The following NAALADL2 variants were observed in gnomAD, a reference collection of about 807,000 sequenced individuals.
NAALADL2 encodes the protein inactive N-acetylated-alpha-linked acidic dipeptidase-like protein 2.
In NAALADL2, 76 loss-of-function variants were observed where a neutral mutation model predicts 87.2. The ratio of observed to expected loss-of-function variants is 0.87; its 90% CI spans 0.72 to 1.05. The LOEUF (loss-of-function observed/expected upper bound fraction) is 1.05. NAALADL2 is among the 50% of genes least tolerant of loss of function. NAALADL2 has a pLI of 0.00. For missense variants in NAALADL2, 1,089 were observed against 945.8 expected (o/e 1.15, Z -1.99); for synonymous variants, 354 against 331.0 (o/e 1.07, Z -0.75).
intron 10 of NAALADL2, among the ~76,000 whole-genome samples, chr3:175,580,063 T>G (rs563918800): frequency 2.0e-5 from 3 of 152,192 alleles, no homozygotes; most frequent in African/African-American, 7.2e-5. Context: ...AAGAGTATTA[T>G]AGCTTTTATG....
chr3:174,994,314 CAGAG>C lies in NAALADL2; in HGVS notation c.44-102474_44-102471del, dbSNP rs556047226. Among the ~76,000 whole-genome samples the C allele has an allele frequency of 3.9e-5, 6 of 152,264 alleles. No homozygotes were observed. The South Asian group carries it at 1.2e-3, about 32-fold the overall frequency. On this transcript the variant is annotated intron_variant, in intron 1 of 13. Coordinates refer to ENST00000454872, the MANE Select transcript of NAALADL2 (RefSeq NM_207015.3). Reference sequence around the variant, plus strand: ...TGTGGCAGAGGGATGTGAGGGTTCTCAGAGAAAGAGGGAAAAAATGTCCTGGGCA... The same window carrying C: ...TGTGGCAGAGGGATGTGAGGGTTCTCAAAGAGGGAAAAAATGTCCTGGGCA...
intron 1 of NAALADL2, among the ~76,000 whole-genome samples, chr3:174,999,400 T>C (rs1747939357): frequency 6.6e-6 from 1 of 152,184 alleles, no homozygotes; most frequent in East Asian, 1.9e-4. Flanking sequence ...ATGTACATGC[T>C]TTTCTTAAGA....
At chr3:175,711,339 A>AT (rs1740505494) in intron 11 of NAALADL2, among the ~76,000 whole-genome samples, 1 of 151,990 alleles carries the variant, frequency 6.6e-6, no homozygotes, top group South Asian at 2.1e-4. Context: ...ATTAGAGAAA[A>AT]TTTTATCAGA....
intron 9 of NAALADL2, among the ~76,000 whole-genome samples, chr3:175,566,566 A>G (rs1717175198): frequency 6.6e-6 from 1 of 151,944 alleles, no homozygotes; most frequent in Non-Finnish European, 1.5e-5. Context: ...TAAATTTTAT[A>G]GAATTTGTAT....
intron 2 of NAALADL2, among the ~76,000 whole-genome samples, chr3:175,230,262 A>G (rs2109437310): frequency 6.6e-6 from 1 of 152,190 alleles, no homozygotes; most frequent in Non-Finnish European, 1.5e-5. Flanking sequence ...AGCATTGAGG[A>G]TTTCTTAAGC....
In NAALADL2 at chr3:175,460,229, T is replaced by C. The variant is rs917841001; in HGVS notation, c.1235-3172T>C. ...ACTTTCTGATATTTATTATTAAAAT[T>C]TAAAATGTGATCATGGTGCTGACTC... On this transcript the variant is annotated intron_variant, in intron 6 of 13. Coordinates refer to ENST00000454872, the MANE Select transcript of NAALADL2 (RefSeq NM_207015.3). 1.8e-5 allele frequency: 8 copies of C among 454,720 alleles called. No homozygotes were observed. In the Admixed American group the frequency reaches 1.9e-4, roughly 11 times the overall value. The allele number at this position is 454,720 out of a possible 1,614,324, so 28.2% of individuals were successfully genotyped here.
intron 11 of NAALADL2, among the ~76,000 whole-genome samples, chr3:175,712,517 C>T (rs1206352516): frequency 6.6e-6 from 1 of 152,022 alleles, no homozygotes; most frequent in African/African-American, 2.4e-5. Context: ...AAGGTTTGAA[C>T]TGCCTGAAAT....
At chr3:175,310,319 T>G (rs1425083769) in intron 4 of NAALADL2, among the ~76,000 whole-genome samples, 1 of 148,232 alleles carries the variant, frequency 6.7e-6, no homozygotes, top group African/African-American at 2.7e-5. Context: ...AAATATACAT[T>G]TAGTCACCAT....
intron 11 of NAALADL2, among the ~76,000 whole-genome samples, chr3:175,668,498 G>T (rs772024287): frequency 2.0e-5 from 3 of 151,988 alleles, no homozygotes; most frequent in Non-Finnish European, 4.4e-5. Flanking sequence ...AATGAGTTTG[G>T]TCTTGTGTAG....
chr3:175,344,941 G>A (rs1354258957), intron 5 of NAALADL2, among the ~76,000 whole-genome samples: 1 of 151,950 alleles, frequency 6.6e-6, no homozygotes, highest in Non-Finnish European at 1.5e-5. Flanking sequence ...CTTTACAGAT[G>A]AGGAAACTAG....
intron 3 of NAALADL2, among the ~76,000 whole-genome samples, chr3:174,743,804 A>G (rs573292989): frequency 6.6e-6 from 1 of 150,402 alleles, no homozygotes; most frequent in African/African-American, 2.4e-5. Flanking sequence ...TCTAAAGAAC[A>G]TATTTTTTTT....
At chr3:175,172,286 AT>A (rs1218215964) in intron 2 of NAALADL2, among the ~76,000 whole-genome samples, 1 of 152,160 alleles carries the variant, frequency 6.6e-6, no homozygotes, top group East Asian at 1.9e-4. Context: ...ATTTTAAACC[AT>A]GACTTGAGTA....
At chr3:175,243,682 C>G (rs1747420872) in intron 3 of NAALADL2, among the ~76,000 whole-genome samples, 1 of 151,872 alleles carries the variant, frequency 6.6e-6, no homozygotes, top group Admixed American at 6.6e-5. Context: ...GAACACTGCT[C>G]TGTAGTGTTA....
intron 2 of NAALADL2, among the ~76,000 whole-genome samples, chr3:175,230,578 T>C (rs1744804140): frequency 6.6e-6 from 1 of 152,024 alleles, no homozygotes. Context: ...AATTTTACCC[T>C]CATTGTAGAG....
At chr3:175,034,826 G>A (rs1322918494) in intron 1 of NAALADL2, among the ~76,000 whole-genome samples, 1 of 152,128 alleles carries the variant, frequency 6.6e-6, no homozygotes, top group Non-Finnish European at 1.5e-5. Flanking sequence ...AAAGCACTTA[G>A]AACAGCACCT....
At chr3:174,918,928 A>G (rs368842976) in intron 1 of NAALADL2, among the ~76,000 whole-genome samples, 9 of 152,144 alleles carry the variant, frequency 5.9e-5, no homozygotes, top group Admixed American at 5.9e-4. Context: ...CGGGACCACT[A>G]GAATAAAGCA....
intron 2 of NAALADL2, among the ~76,000 whole-genome samples, chr3:174,657,883 A>G (rs1725130521): frequency 6.6e-6 from 1 of 152,098 alleles, no homozygotes; most frequent in South Asian, 2.1e-4. Flanking sequence ...ATCACACACT[A>G]TGTAGCCTTT....
chr3:174,609,291 A>G (rs563424252), intron 2 of NAALADL2, among the ~76,000 whole-genome samples: 133 of 152,250 alleles, frequency 8.7e-4, no homozygotes, highest in African/African-American at 3.1e-3. Context: ...CCTATTCAAC[A>G]TAGTGTTGGA....
intron 3 of NAALADL2, among the ~76,000 whole-genome samples, chr3:175,245,932 A>G (rs1378648024): frequency 3.9e-5 from 6 of 152,272 alleles, no homozygotes; most frequent in Non-Finnish European, 5.9e-5. Flanking sequence ...CTGGAACACT[A>G]TTTTGATAAA....
Sources: gnomAD v4.1 joint callset for allele counts (sites outside exome capture counted in the v4.1 genomes callset) on GRCh38, gnomAD v4.1.1 for gene constraint, MANE v1.5 for transcripts, NCBI Gene and HGNC (gene_info 2026-07-23, HGNC 2026-07-21) for gene names.